CCDC85A: variants seen among roughly 807,000 people sequenced by gnomAD.
CCDC85A encodes the protein coiled-coil domain containing 85A, also known as coiled-coil domain-containing protein 85A.
A neutral mutation model predicts 50.2 loss-of-function variants in CCDC85A; 38 were observed. The ratio of observed to expected loss-of-function variants is 0.76; its 90% CI spans 0.58 to 0.99. The LOEUF is 0.99. Ranked by LOEUF, CCDC85A falls within the 50% of genes least tolerant of loss-of-function variation. The pLI, the probability that CCDC85A is intolerant of heterozygous loss-of-function variation, is 0.00. For missense variants in CCDC85A, 820 were observed against 742.0 expected, an observed-to-expected ratio of 1.11 and a Z score of -1.22; for synonymous variants, 366 against 301.4, an observed-to-expected ratio of 1.21 and a Z score of -2.22.
At chr2:56,254,637 A>C (rs1669905314) in intron 2 of CCDC85A, among the ~76,000 whole-genome samples, 2 of 152,222 alleles carry the variant, frequency 1.3e-5, no homozygotes, top group Non-Finnish European at 2.9e-5. Flanking sequence ...CATGGAGCCC[A>C]TGGCTAGAAG....
chr2:56,254,705 G>A (rs1669907763), intron 2 of CCDC85A, among the ~76,000 whole-genome samples: 1 of 152,146 alleles, frequency 6.6e-6, no homozygotes, highest in South Asian at 2.1e-4. Context: ...TGTACTATAA[G>A]GGAAAAATAT....
intron 2 of CCDC85A, among the ~76,000 whole-genome samples, chr2:56,211,530 A>C (rs1266720802): frequency 6.6e-6 from 1 of 151,962 alleles, no homozygotes; most frequent in African/African-American, 2.4e-5. Context: ...TACTACTAGG[A>C]ATGTTAGAAA....
intron 2 of CCDC85A, among the ~76,000 whole-genome samples, chr2:56,206,960 G>T (rs537248096): frequency 1.7e-5 from 1 of 60,164 alleles, no homozygotes; most frequent in Non-Finnish European, 3.5e-5. Flanking sequence ...TGATGAAGGT[G>T]TACTGTTTTT....
intron 3 of CCDC85A, among the ~76,000 whole-genome samples, chr2:56,371,174 G>A (rs17047854): frequency 0.23 from 35,031 of 151,906 alleles, 4,596 homozygotes; most frequent in African/African-American, 0.36. Context: ...TCTGTTATAC[G>A]TGAGAAGTAG....
chr2:56,275,245 C>T (rs191427897), intron 2 of CCDC85A, among the ~76,000 whole-genome samples: 3,430 of 151,838 alleles, frequency 0.023, 40 homozygotes, highest in Middle Eastern at 0.072. Flanking sequence ...GAATGTATCC[C>T]CAGCTACATG....
intron 2 of CCDC85A, among the ~76,000 whole-genome samples, chr2:56,322,907 A>G (rs549096857): frequency 1.3e-3 from 204 of 152,318 alleles, no homozygotes; most frequent in African/African-American, 4.2e-3. Context: ...ATGTCCATCA[A>G]TGATAGACTG....
intron 2 of CCDC85A, among the ~76,000 whole-genome samples, chr2:56,210,927 A>G (rs1677158360): frequency 6.6e-6 from 1 of 152,064 alleles, no homozygotes; most frequent in South Asian, 2.1e-4. Context: ...CCTCTTCTTG[A>G]TGAGCTAAGT....
rs144263531 is a variant in CCDC85A at position 56,192,194 on chromosome 2, T to G, written c.277-283T>G. ...TGCAGGGATAGAACTGATACTTAAG[T>G]TAGTTTAATTTTTATGGCCATACTA... On this transcript the variant is annotated intron_variant, in intron 1 of 5. Transcript: ENST00000407595. This position sits in a 1 kb window ranked among gnomAD's most constrained non-coding sequence, Gnocchi z 4.7. 1.3e-3 allele frequency among the ~76,000 whole-genome samples: 191 copies of G among 152,228 alleles called. No individual in the cohort carries two copies. Among genetic ancestry groups the G allele is most frequent in the Non-Finnish European group, 2.0e-3 (135 of 68,008 alleles).
At chr2:56,267,255 G>A (rs574759421) in intron 2 of CCDC85A, among the ~76,000 whole-genome samples, 1 of 152,130 alleles carries the variant, frequency 6.6e-6, no homozygotes, top group African/African-American at 2.4e-5. Context: ...CATCCCTAGC[G>A]AAGGCTGCAG....
At chr2:56,223,045 G>C (rs1221967636) in intron 2 of CCDC85A, among the ~76,000 whole-genome samples, 1 of 152,076 alleles carries the variant, frequency 6.6e-6, no homozygotes, top group Admixed American at 6.6e-5. Flanking sequence ...CTATTGGTAG[G>C]ATATGAAAAA....
chr2:56,198,426 GT>G (rs1295158273), intron 2 of CCDC85A, among the ~76,000 whole-genome samples: 3 of 152,162 alleles, frequency 2.0e-5, no homozygotes, highest in Non-Finnish European at 4.4e-5. Context: ...AATAATAATG[GT>G]TTTTGTTCTT....
At chr2:56,226,051 A>G (rs1333067805) in intron 2 of CCDC85A, among the ~76,000 whole-genome samples, 1 of 152,162 alleles carries the variant, frequency 6.6e-6, no homozygotes, top group Non-Finnish European at 1.5e-5. Flanking sequence ...ATAGAACTGA[A>G]CACAGTTTTC....
In CCDC85A at chr2:56,194,286, C is replaced by G. The variant is rs192249999; in HGVS notation, c.1240+846C>G. Among the ~76,000 whole-genome samples, 301 of 152,248 alleles carry G rather than the reference C, an allele frequency of 2.0e-3. 2 individuals carry two copies. Among genetic ancestry groups the G allele is most frequent in the African/African-American group, 7.0e-3 (289 of 41,536 alleles). On this transcript the variant is annotated intron_variant, in intron 2 of 5. Transcript: ENST00000407595. ...CTAAACCTGAGCTTTTAAACCTTTT[C>G]GAAGAGGTTTAATTTTCTGCATCTT...
intron 2 of CCDC85A, among the ~76,000 whole-genome samples, chr2:56,299,967 T>C (rs1331450748): frequency 1.3e-5 from 2 of 152,138 alleles, no homozygotes; most frequent in Admixed American, 1.3e-4. Flanking sequence ...TAGTAGGCCC[T>C]GTTCTAGAAA....
At chr2:56,382,386 C>T (rs1190701417) in intron 5 of CCDC85A, among the ~76,000 whole-genome samples, 1 of 150,246 alleles carries the variant, frequency 6.7e-6, no homozygotes, top group Non-Finnish European at 1.5e-5. Context: ...ATGTTGTTGA[C>T]ATCTACACAG....
chr2:56,240,853 A>T (rs1022421127), intron 2 of CCDC85A, among the ~76,000 whole-genome samples: 1 of 152,108 alleles, frequency 6.6e-6, no homozygotes, highest in Non-Finnish European at 1.5e-5. Context: ...AACATTGTGT[A>T]TAAGTGTTTG....
chr2:56,261,485 G>A (rs910260145), intron 2 of CCDC85A, among the ~76,000 whole-genome samples: 4 of 152,150 alleles, frequency 2.6e-5, no homozygotes, highest in African/African-American at 9.7e-5. Context: ...AGCATACATT[G>A]CACCCTGGTA....
intron 2 of CCDC85A, among the ~76,000 whole-genome samples, chr2:56,221,379 T>TC (rs1668321362): frequency 6.6e-6 from 1 of 151,764 alleles, no homozygotes; most frequent in African/African-American, 2.4e-5. Flanking sequence ...TTTTTTTTTT[T>TC]CTGTAAAACA....
chr2:56,362,370 G>A (rs1429520782), intron 3 of CCDC85A, among the ~76,000 whole-genome samples: 1 of 152,086 alleles, frequency 6.6e-6, no homozygotes, highest in Admixed American at 6.6e-5. Flanking sequence ...ATGTGTACAT[G>A]TCAAACTCAG....
Sources: gnomAD v4.1 joint callset for allele counts (sites outside exome capture counted in the v4.1 genomes callset) on GRCh38, gnomAD v4.1.1 for gene constraint, Gnocchi (gnomAD v3.1) non-coding constraint, MANE v1.5 for transcripts, NCBI Gene and HGNC (gene_info 2026-07-23, HGNC 2026-07-21) for gene names.